Variants in EPHA6 observed in about 807,000 individuals in gnomAD.
EPHA6 encodes the protein EPH receptor A6.
EPHA6 carries 50 observed loss-of-function variants against 112.0 expected under a neutral mutation model. That is an observed-to-expected ratio of 0.45 (90% CI 0.36 to 0.56). The LOEUF (loss-of-function observed/expected upper bound fraction) is 0.56, where lower values mean the gene tolerates loss of function less well. Ranked by LOEUF, EPHA6 falls within the 20% of genes least tolerant of loss-of-function variation. EPHA6 has a pLI of 0.00. For missense variants in EPHA6, 1,280 were observed against 1,417.4 expected (o/e 0.90, Z 1.56); for synonymous variants, 529 against 490.7 (o/e 1.08, Z -1.03).
intron 15 of EPHA6, among the ~76,000 whole-genome samples, chr3:97,723,604 G>T (rs948066524): frequency 6.6e-6 from 1 of 152,044 alleles, no homozygotes; most frequent in Non-Finnish European, 1.5e-5. Flanking sequence ...ACTAGGTAGG[G>T]TTTAAGCTGT....
intron 3 of EPHA6, among the ~76,000 whole-genome samples, chr3:97,124,858 G>A (rs1576531220): frequency 6.6e-6 from 1 of 152,202 alleles, no homozygotes; most frequent in Non-Finnish European, 1.5e-5. Flanking sequence ...GTTGACCTCA[G>A]AAATTTTAAG....
intron 11 of EPHA6, among the ~76,000 whole-genome samples, chr3:97,582,057 C>T (rs1362814954): frequency 6.6e-6 from 1 of 150,886 alleles, no homozygotes; most frequent in East Asian, 1.9e-4. Flanking sequence ...GAGTTTTGCT[C>T]TTGTTGCCCA....
intron 3 of EPHA6, among the ~76,000 whole-genome samples, chr3:97,175,980 A>G (rs1045295506): frequency 6.6e-6 from 1 of 151,886 alleles, no homozygotes; most frequent in Middle Eastern, 3.4e-3. Context: ...TGCCATGTTC[A>G]AGATCTTAGA....
intron 10 of EPHA6, among the ~76,000 whole-genome samples, chr3:97,521,385 A>G (rs2092540235): frequency 6.6e-6 from 1 of 152,128 alleles, no homozygotes; most frequent in Non-Finnish European, 1.5e-5. Context: ...TTCATAAAGG[A>G]AAGTGGTTTA....
At chr3:97,707,379 T>G (rs1467012654) in intron 14 of EPHA6, among the ~76,000 whole-genome samples, 1 of 152,140 alleles carries the variant, frequency 6.6e-6, no homozygotes, top group Non-Finnish European at 1.5e-5. Flanking sequence ...ATTCAAATAA[T>G]AGTACGTAGA....
At chr3:97,654,041 T>G (rs1173592564) in intron 14 of EPHA6, among the ~76,000 whole-genome samples, 1 of 151,884 alleles carries the variant, frequency 6.6e-6, no homozygotes, top group Non-Finnish European at 1.5e-5. Context: ...AGGATGAATA[T>G]TTCTGGAGAG....
At chr3:97,179,709 C>A (rs1371490163) in intron 3 of EPHA6, among the ~76,000 whole-genome samples, 3 of 144,676 alleles carry the variant, frequency 2.1e-5, no homozygotes, top group African/African-American at 7.8e-5. Context: ...TTCTGCCAAA[C>A]CTACAGAGTC....
intron 13 of EPHA6, among the ~76,000 whole-genome samples, chr3:97,627,251 G>A (rs1419193947): frequency 1.3e-5 from 2 of 151,834 alleles, no homozygotes; most frequent in East Asian, 3.9e-4. Context: ...GTAAGCAAAA[G>A]AGAATTAAAA....
At chr3:96,827,257 G>T (rs919300760) in intron 1 of EPHA6, among the ~76,000 whole-genome samples, 1 of 152,108 alleles carries the variant, frequency 6.6e-6, no homozygotes, top group Non-Finnish European at 1.5e-5. Context: ...GAAAGCAGTT[G>T]AAAGAAAGTT....
chr3:97,156,946 A>G (rs2076302095), intron 3 of EPHA6, among the ~76,000 whole-genome samples: 1 of 152,060 alleles, frequency 6.6e-6, no homozygotes, highest in African/African-American at 2.4e-5. Context: ...GAAGAAAACC[A>G]ACTATGTGGT....
At chr3:96,937,750 T>G (rs1213438883) in intron 2 of EPHA6, among the ~76,000 whole-genome samples, 3 of 152,102 alleles carry the variant, frequency 2.0e-5, no homozygotes, top group African/African-American at 7.2e-5. Context: ...GGTCTAACAT[T>G]GAAGTCTTTA....
intron 1 of EPHA6, among the ~76,000 whole-genome samples, chr3:96,853,899 G>A (rs2035539154): frequency 6.6e-6 from 1 of 151,802 alleles, no homozygotes; most frequent in South Asian, 2.1e-4. Flanking sequence ...TAAAATCACA[G>A]GGACTTAGCT....
chr3:97,498,997 A>C (rs1296411668), intron 10 of EPHA6, among the ~76,000 whole-genome samples: 1 of 152,226 alleles, frequency 6.6e-6, no homozygotes, highest in Non-Finnish European at 1.5e-5. Flanking sequence ...GATTTCCATT[A>C]CGATTATAGA....
intron 5 of EPHA6, among the ~76,000 whole-genome samples, chr3:97,278,406 G>A (rs2080170963): frequency 6.6e-6 from 1 of 152,092 alleles, no homozygotes; most frequent in Non-Finnish European, 1.5e-5. Context: ...TTGCATAAAG[G>A]TTTCTTAAAA....
intron 3 of EPHA6, among the ~76,000 whole-genome samples, chr3:97,085,389 A>C: frequency 6.6e-6 from 1 of 152,164 alleles, no homozygotes; most frequent in Middle Eastern, 3.2e-3. Context: ...TCAAACTTGA[A>C]GTAATAATGC....
intron 3 of EPHA6, among the ~76,000 whole-genome samples, chr3:97,085,400 T>C (rs2046862039): frequency 6.6e-6 from 1 of 152,118 alleles, no homozygotes; most frequent in Non-Finnish European, 1.5e-5. Context: ...GTAATAATGC[T>C]ATAATAAACA....
intron 1 of EPHA6, among the ~76,000 whole-genome samples, chr3:96,852,445 A>G (rs1341796424): frequency 1.3e-5 from 2 of 152,038 alleles, no homozygotes; most frequent in African/African-American, 2.4e-5. Context: ...ATAATAATAA[A>G]AAAAGTGAAG....
intron 13 of EPHA6, among the ~76,000 whole-genome samples, chr3:97,619,645 C>A (rs2093797313): frequency 6.6e-6 from 1 of 151,870 alleles, no homozygotes; most frequent in African/African-American, 2.4e-5. Context: ...ATAGCCAAAT[C>A]ACAAAGGAAC....
chr3:97,159,446 CA>C (rs1266639253), intron 3 of EPHA6, among the ~76,000 whole-genome samples: 1 of 152,144 alleles, frequency 6.6e-6, no homozygotes, highest in Non-Finnish European at 1.5e-5. Flanking sequence ...GAACCAGAAA[CA>C]AATATTTTCC....
Sources: allele counts gnomAD v4.1 joint callset (sites outside exome capture counted in the v4.1 genomes callset), GRCh38; gene constraint gnomAD v4.1.1; transcripts MANE v1.5; gene names NCBI Gene and HGNC (gene_info 2026-07-23, HGNC 2026-07-21).